VGLL4: variants seen among roughly 807,000 people sequenced by gnomAD.
VGLL4 encodes transcription cofactor vestigial-like protein 4.
Under a neutral mutation model 21.0 loss-of-function variants are expected in VGLL4, and 7 were observed. That is an observed-to-expected ratio of 0.33 (90% CI 0.19 to 0.63). The LOEUF is 0.63. Ranked by LOEUF, VGLL4 falls within the 20% of genes least tolerant of loss-of-function variation. The probability of loss-of-function intolerance (pLI) is 0.78; values close to 1 mark genes in which losing one functional copy is unlikely to be tolerated. For synonymous variants in VGLL4, 222 were observed against 173.2 expected (o/e 1.28, Z -2.21); for missense variants, 394 against 425.7 (o/e 0.93, Z 0.66).
intron 2 of VGLL4, chr3:11,671,510 G>A (rs190277149): frequency 2.0e-4 from 127 of 632,626 alleles, no homozygotes; most frequent in Admixed American, 3.0e-4. Flanking sequence ...CTCAAGTTTC[G>A]CAGTCTGCCC....
At chr3:11,637,549 G>C (rs1421330728) in intron 1 of VGLL4, among the ~76,000 whole-genome samples, 1 of 152,158 alleles carries the variant, frequency 6.6e-6, no homozygotes, top group Non-Finnish European at 1.5e-5. Context: ...ATTTCATTTA[G>C]AGTAAATAAA....
chr3:11,654,216 CA>C (rs2075922804), intron 2 of VGLL4, among the ~76,000 whole-genome samples: 1 of 152,198 alleles, frequency 6.6e-6, no homozygotes, highest in African/African-American at 2.4e-5. Context: ...TGATACAGCA[CA>C]AGAGGTCAAT....
intron 2 of VGLL4, among the ~76,000 whole-genome samples, chr3:11,652,425 T>C (rs1035477669): frequency 6.6e-6 from 1 of 152,120 alleles, no homozygotes; most frequent in African/African-American, 2.4e-5. Context: ...GTTTTTTGTT[T>C]TTTTGTTTTT....
At chr3:11,559,047 G>C (rs1387813726) in intron 4 of VGLL4, among the ~76,000 whole-genome samples, 1 of 152,218 alleles carries the variant, frequency 6.6e-6, no homozygotes, top group African/African-American at 2.4e-5. Context: ...CAGAGTCCGA[G>C]TTCAGAAAGA....
chr3:11,702,328 G>C (rs1365499273), intron 2 of VGLL4, among the ~76,000 whole-genome samples: 1 of 151,978 alleles, frequency 6.6e-6, no homozygotes, highest in Non-Finnish European at 1.5e-5. Flanking sequence ...TACTGATTAA[G>C]GCCAGACGTG....
At chr3:11,688,304 C>G (rs1331019970) in intron 2 of VGLL4, among the ~76,000 whole-genome samples, 2 of 152,102 alleles carry the variant, frequency 1.3e-5, no homozygotes, top group African/African-American at 4.8e-5. Context: ...GAAAGAATTA[C>G]AAAGTGCTCT....
chr3:11,660,617 C>G (rs1386981106), intron 2 of VGLL4, among the ~76,000 whole-genome samples: 3 of 152,106 alleles, frequency 2.0e-5, no homozygotes, highest in Non-Finnish European at 4.4e-5. Context: ...TTTAGTTTTA[C>G]TTTGTAAGTT....
intron 1 of VGLL4, among the ~76,000 whole-genome samples, chr3:11,636,879 G>C (rs1484151319): frequency 2.0e-5 from 3 of 152,180 alleles, no homozygotes; most frequent in African/African-American, 7.2e-5. Flanking sequence ...GAGAAGGGAA[G>C]CTGGGACATA....
At chr3:11,625,447 A>G (rs558470451) in intron 1 of VGLL4, among the ~76,000 whole-genome samples, 4 of 152,338 alleles carry the variant, frequency 2.6e-5, no homozygotes, top group South Asian at 4.1e-4. Flanking sequence ...ATCTATATCC[A>G]TATCTATAGC....
chr3:11,569,245 T>C (rs1575387552), intron 2 of VGLL4, among the ~76,000 whole-genome samples: 1 of 152,204 alleles, frequency 6.6e-6, no homozygotes, highest in African/African-American at 2.4e-5. Flanking sequence ...TGCGCTGGGC[T>C]TCATTCACCG....
chr3:11,590,793 G>A (rs2074476551), intron 2 of VGLL4, among the ~76,000 whole-genome samples: 1 of 152,048 alleles, frequency 6.6e-6, no homozygotes, highest in African/African-American at 2.4e-5. Flanking sequence ...AGAATGTGGA[G>A]CTTGTAAACC....
At position 11,557,357 on chromosome 3, in the gene VGLL4, C is replaced by G. The variant is rs2125089348; in HGVS notation, c.*1199G>C. The G allele has an allele frequency of 6.5e-6, 1 of 152,918 alleles. No homozygotes were observed. Among genetic ancestry groups the G allele is most frequent in the East Asian group, 1.9e-4 (1 of 5,320 alleles). The allele number at this position is 152,918 out of a possible 1,614,324, so 9.5% of individuals were successfully genotyped here. On this transcript the variant is annotated 3_prime_UTR_variant, in exon 5 of 5. Coordinates refer to ENST00000430365, the MANE Select transcript of VGLL4 (RefSeq NM_001128219.3). The stretch of plus-strand genomic sequence containing the variant: ...GATTGTCTGTCAGTAATCTGCTGTT[C>G]AGCCAAGAGAGTTCAAAGGGAGCAG...
chr3:11,616,041 C>T (rs983093561), intron 1 of VGLL4, among the ~76,000 whole-genome samples: 2 of 152,208 alleles, frequency 1.3e-5, no homozygotes, highest in Non-Finnish European at 2.9e-5. Context: ...AGATCAGGAT[C>T]CCTGACTGAT....
At position 11,643,812 on chromosome 3, in the gene VGLL4, G is replaced by T; in HGVS notation, c.-294C>A. The T allele has an allele frequency of 9.1e-7, 1 of 1,100,706 alleles. No homozygotes were observed. The allele number at this position is 1,100,706 out of a possible 1,614,324, so 68.2% of individuals were successfully genotyped here. ...TCCTTACAAGTCCTTCCTGGAAATGGAAAAGAGTGAAAAAGAGAAACGCGC... is the reference window on the plus strand; with the variant it reads ...TCCTTACAAGTCCTTCCTGGAAATGTAAAAGAGTGAAAAAGAGAAACGCGC... On this transcript the variant is annotated 5_prime_UTR_variant, in exon 1 of 5. Coordinates refer to ENST00000430365, the MANE Select transcript of VGLL4 (RefSeq NM_001128219.3).
At chr3:11,612,294 G>A (rs2075077801) in intron 1 of VGLL4, 1 of 151,620 alleles carries the variant, frequency 6.6e-6, no homozygotes, top group South Asian at 2.1e-4. Flanking sequence ...TACCCTGTTG[G>A]ATTTAGTTTA....
Position 11,719,121 on chromosome 3 carries a change from ACGGTG to A in VGLL4, c.-14+1268_-14+1272del, listed in dbSNP as rs2076957036. ...ACCGGGCAGGAAGCACAGGAAGAGT[ACGGTG>A]CCCCTTCCCGCAGTCCACATCACAG... On this transcript the variant is annotated intron_variant, in intron 1 of 5. Transcript: ENST00000273038. The surrounding 1 kb of genome is among the most constrained non-coding windows in gnomAD (Gnocchi z 4.0). Among the ~76,000 whole-genome samples the A allele has an allele frequency of 3.3e-5, 5 of 152,152 alleles. No homozygotes were observed. The highest frequency in any genetic ancestry group is 3.3e-4 in the Admixed American group (5 of 15,284).
intron 2 of VGLL4, among the ~76,000 whole-genome samples, chr3:11,681,318 C>T (rs1413314400): frequency 6.6e-6 from 1 of 152,220 alleles, no homozygotes; most frequent in Non-Finnish European, 1.5e-5. Context: ...AAGATGGTCT[C>T]AAACTCCTGA....
intron 1 of VGLL4, among the ~76,000 whole-genome samples, chr3:11,704,383 C>CAAAAAAAAAAAAA (rs57593843): frequency 1.1e-3 from 79 of 69,088 alleles, no homozygotes; most frequent in Non-Finnish European, 1.7e-3. Context: ...AACTCCGTCT[C>CAAAAAAAAAAAAA]AAAAAAAAAA....
At chr3:11,711,196 G>T (rs1423722281) in intron 1 of VGLL4, among the ~76,000 whole-genome samples, 1 of 151,918 alleles carries the variant, frequency 6.6e-6, no homozygotes, top group Non-Finnish European at 1.5e-5. Flanking sequence ...CCTGGGCCCA[G>T]GAGTTTGAGA....
Sources: gnomAD v4.1 joint callset for allele counts (sites outside exome capture counted in the v4.1 genomes callset) on GRCh38, gnomAD v4.1.1 for gene constraint, Gnocchi (gnomAD v3.1) non-coding constraint, MANE v1.5 for transcripts, NCBI Gene and HGNC (gene_info 2026-07-23, HGNC 2026-07-21) for gene names.